SEMA5B: variants seen among roughly 807,000 people sequenced by gnomAD.
SEMA5B encodes semaphorin-5B.
In SEMA5B, 66 loss-of-function variants were observed where a neutral mutation model predicts 135.0. The ratio of observed to expected loss-of-function variants is 0.49; its 90% CI spans 0.40 to 0.60. SEMA5B has a LOEUF of 0.60. SEMA5B is among the 20% of genes least tolerant of loss of function. SEMA5B has a pLI of 0.00. For synonymous variants in SEMA5B, 690 were observed against 639.5 expected (o/e 1.08, Z -1.19); for missense variants, 1,501 against 1,566.3 (o/e 0.96, Z 0.70).
At chr3:123,025,431 G>C (rs1467628771) in intron 1 of SEMA5B, among the ~76,000 whole-genome samples, 2 of 152,212 alleles carry the variant, frequency 1.3e-5, no homozygotes, top group East Asian at 3.9e-4. Context: ...CTCTGGGCAT[G>C]GGCTCGGCCC....
intron 1 of SEMA5B, among the ~76,000 whole-genome samples, chr3:122,974,587 C>T (rs959355029): frequency 6.6e-6 from 1 of 152,004 alleles, no homozygotes. Flanking sequence ...TGGATGGTGT[C>T]CAGGAGCTGA....
At chr3:122,966,649 G>C (rs954604794) in intron 1 of SEMA5B, among the ~76,000 whole-genome samples, 2 of 150,256 alleles carry the variant, frequency 1.3e-5, no homozygotes, top group Non-Finnish European at 3.0e-5. Flanking sequence ...CCGCCTCCTG[G>C]GTTCACGCCA....
intron 1 of SEMA5B, among the ~76,000 whole-genome samples, chr3:122,995,749 C>T (rs531877193): frequency 6.6e-6 from 1 of 152,338 alleles, no homozygotes; most frequent in Admixed American, 6.5e-5. Context: ...ATTGGCTGGG[C>T]TGCTGGTCTT....
At chr3:122,979,941 G>C (rs1373504213) in intron 1 of SEMA5B, among the ~76,000 whole-genome samples, 4 of 152,152 alleles carry the variant, frequency 2.6e-5, no homozygotes, top group African/African-American at 9.7e-5. Flanking sequence ...GCATATCCAG[G>C]GTAAAGTGAT....
Position 122,910,241 on chromosome 3 carries a change from T to C in SEMA5B, c.3358A>G (p.Thr1120Ala). Reference protein sequence around the residue: ...DRANFYPLQQTNVYTTTYYPS... With the variant: ...DRANFYPLQQANVYTTTYYPS... ...TAGTAAGTAGTCGTGTACACATTGG[T>C]CTGCTGCAATGGGTAGAAGTTGGCT... Residue 1120 changes from threonine (T) to alanine (A), a missense_variant, in exon 23 of 23, where the codon ACC becomes GCC. Around this residue, in one of 2 missense-constraint regions of SEMA5B, gnomAD observed 927 missense variants for 881.6 expected, o/e 1.05. Transcript: ENST00000357599. The C allele has an allele frequency of 1.2e-6, 2 of 1,614,120 alleles. No homozygotes were observed. The highest frequency in any genetic ancestry group is 1.7e-6 in the Non-Finnish European group (2 of 1,179,972).
At position 122,913,930 on chromosome 3, in the gene SEMA5B, C is replaced by T. The variant is rs1238052538; in HGVS notation, c.2060G>A (p.Arg687His). The T allele has an allele frequency of 1.2e-6, 2 of 1,612,450 alleles. No homozygotes were observed. The highest frequency in any genetic ancestry group is 1.7e-4 in the Middle Eastern group (1 of 6,056). ...AGCAGGGTTGCTGCAACTTCGCTGG[C>T]GGACCTGGAAGCCGATGCCACAGGA... ...STSCGIGFQV[R>H]QRSCSNPAPR... Residue 687 changes from arginine (R) to histidine (H), a missense_variant, in exon 15 of 23, where the codon CGC becomes CAC. Arg to His is a conservative substitution (Grantham distance 29, BLOSUM62 0). This residue lies in a region of SEMA5B where 927 missense variants were observed against 881.6 expected (regional missense o/e 1.05). Coordinates refer to ENST00000357599, the MANE Select transcript of SEMA5B (RefSeq NM_001031702.4).
At chr3:122,958,038 C>T (rs985566364) in intron 2 of SEMA5B, among the ~76,000 whole-genome samples, 1 of 152,216 alleles carries the variant, frequency 6.6e-6, no homozygotes, top group Non-Finnish European at 1.5e-5. Flanking sequence ...CAGTTTTTCC[C>T]AGGTCCTGAA....
Position 122,927,986 on chromosome 3 carries a change from C to A in SEMA5B, c.654G>T (p.Arg218=), listed in dbSNP as rs760358635. Residue 218 remains arginine (R), a synonymous_variant, in exon 8 of 23, where the codon CGG becomes CGT. Transcript: ENST00000357599. Reference sequence around the variant, plus strand: ...CCACACCATTGATCTTCTCAATAGTCCGGCTGAGGTTCCCCACCTGGGGAC... The same window carrying A: ...CCACACCATTGATCTTCTCAATAGTACGGCTGAGGTTCCCCACCTGGGGAC... ...CTSRQVGNLS[R]TIEKINGVAR... 14 of 1,479,500 alleles carry A rather than the reference C, an allele frequency of 9.5e-6. No homozygotes were observed. The East Asian group carries it at 3.4e-4, about 35-fold the overall frequency. 91.6% of individuals were successfully genotyped at this position (1,479,500 alleles called of 1,614,324 possible).
At chr3:122,951,957 ACTGAATGG>A (rs1940067514) in intron 2 of SEMA5B, among the ~76,000 whole-genome samples, 1 of 152,156 alleles carries the variant, frequency 6.6e-6, no homozygotes, top group Non-Finnish European at 1.5e-5. Context: ...AATACCCATC[ACTGAATGG>A]CTGCAAGCCT....
At chr3:123,013,633 C>A (rs753024051) in intron 1 of SEMA5B, among the ~76,000 whole-genome samples, 1 of 152,220 alleles carries the variant, frequency 6.6e-6, no homozygotes, top group African/African-American at 2.4e-5. Context: ...CCACTCCAAG[C>A]TGGCTTCCAA....
rs1368901744 is a variant in SEMA5B at position 122,915,869 on chromosome 3, G to A, written c.1710C>T (p.Asp570=). Residue 570 remains aspartate, a synonymous_variant, in exon 13 of 23, where the codon GAC becomes GAT. Coordinates refer to ENST00000357599, the MANE Select transcript of SEMA5B (RefSeq NM_001031702.4). ...RSQGACLGAR[D]PYCGWDGKQQ... ...GCTTCCCGTCCCAGCCACAGTACGG[G>A]TCCCGGGCCCCCAGGCATGCCCTGC... is the stretch of plus-strand genomic sequence containing the variant. The A allele has an allele frequency of 8.7e-6, 14 of 1,613,982 alleles. No individual in the cohort carries two copies. The highest frequency in any genetic ancestry group is 2.2e-5 in the East Asian group (1 of 44,866).
rs984718191 is a variant in SEMA5B at position 122,910,044 on chromosome 3, C to G, written c.*99G>C. The G allele has an allele frequency of 8.4e-6, 11 of 1,308,020 alleles. No individual in the cohort carries two copies. The highest frequency in any genetic ancestry group is 1.5e-5 in the African/African-American group (1 of 67,838). The allele number at this position is 1,308,020 out of a possible 1,614,324, so 81.0% of individuals were successfully genotyped here. Reference sequence around the variant, plus strand: ...ACAGGCAAGGCAGCAAGTTCTTGGCCTAGTGCAGAGGGAGAAAACCAAACT... The same window carrying G: ...ACAGGCAAGGCAGCAAGTTCTTGGCGTAGTGCAGAGGGAGAAAACCAAACT... On this transcript the variant is annotated 3_prime_UTR_variant, in exon 23 of 23. Transcript: ENST00000357599.
In SEMA5B at chr3:122,970,401, T is replaced by C. The variant is rs146457075; in HGVS notation, c.-38-9100A>G. ...CGATTGTTGGGCCCCTTCTCCAGAG[T>C]TTCTCATTCAGTCAATCTAGGGTGG... On this transcript the variant is annotated intron_variant, in intron 1 of 22. Transcript: ENST00000357599. 6.8e-3 allele frequency among the ~76,000 whole-genome samples: 1,041 copies of C among 152,284 alleles called. 13 individuals are homozygous for C. Among genetic ancestry groups the C allele is most frequent in the African/African-American group, 0.024 (977 of 41,544 alleles).
At chr3:122,989,901 A>G (rs1278816216) in intron 1 of SEMA5B, among the ~76,000 whole-genome samples, 2 of 152,218 alleles carry the variant, frequency 1.3e-5, no homozygotes, top group Non-Finnish European at 2.9e-5. Context: ...GGCAGAGACC[A>G]TGAAGACTCA....
chr3:122,920,863 C>A (rs916469106), intron 12 of SEMA5B, among the ~76,000 whole-genome samples: 31 of 152,220 alleles, frequency 2.0e-4, no homozygotes, highest in African/African-American at 6.5e-4. Context: ...GGGCCTATTT[C>A]TCTTGCCTTC....
rs548092500 is a variant in SEMA5B, at chr3:123,008,778, G to A, written c.-39+18686C>T. Among the ~76,000 whole-genome samples the A allele has an allele frequency of 2.0e-5, 3 of 152,276 alleles. No individual in the cohort carries two copies. The East Asian group carries it at 5.8e-4, about 29-fold the overall frequency. On this transcript the variant is annotated intron_variant, in intron 1 of 22. Transcript: ENST00000357599. ...AATTGGGCCCATTTGAAGACAGGGG[G>A]AGAGAGGCATGGCTATCCAAGCAGC...
chr3:122,911,318 T>TGG (rs772613731), intron 21 of SEMA5B, 173 bp downstream of exon 21: 1 of 1,501,934 alleles, frequency 6.7e-7, no homozygotes. Flanking sequence ...GCCTCCTAGC[T>TGG]GGGGGGGGCA....
intron 5 of SEMA5B, among the ~76,000 whole-genome samples, chr3:122,930,283 C>T (rs1307625301): frequency 1.3e-5 from 2 of 152,202 alleles, no homozygotes; most frequent in African/African-American, 4.8e-5. Context: ...GAGGCTGACT[C>T]CTGCACACCC....
intron 1 of SEMA5B, among the ~76,000 whole-genome samples, chr3:123,015,120 T>C (rs1942527537): frequency 6.6e-6 from 1 of 152,226 alleles, no homozygotes; most frequent in South Asian, 2.1e-4. Context: ...GCAGATCTTC[T>C]GTCATATCCC....
Sources: gnomAD v4.1 joint callset for allele counts (sites outside exome capture counted in the v4.1 genomes callset) on GRCh38, gnomAD v4.1.1 for gene constraint, gnomAD v4.1.1 regional missense constraint, MANE v1.5 for transcripts, NCBI Gene and HGNC (gene_info 2026-07-23, HGNC 2026-07-21) for gene names.